The following SRCAP variants were observed in gnomAD, a reference collection of about 807,000 sequenced individuals.
SRCAP encodes the protein chromatin remodeling protein SRCAP.
Under a neutral mutation model 263.1 loss-of-function variants are expected in SRCAP, and 46 were observed. That is an observed-to-expected ratio of 0.17 (90% CI 0.14 to 0.22). The LOEUF is 0.22. Ranked by LOEUF, SRCAP falls within the 10% of genes least tolerant of loss-of-function variation. SRCAP has a pLI of 1.00. For synonymous variants in SRCAP, 1,813 were observed against 1,662.1 expected (o/e 1.09, Z -2.21); for missense variants, 3,695 against 4,181.9 (o/e 0.88, Z 3.21).
chr16:30,729,256 G>A (rs2053090966), intron 26 of SRCAP, 25 bp downstream of exon 26: 1 of 1,598,796 alleles, frequency 6.3e-7, no homozygotes, highest in Non-Finnish European at 8.5e-7. Context: ...GTGCTAATGG[G>A]GAGTGGGTCT....
chr16:30,724,676 C>T lies in SRCAP; in HGVS notation c.5252C>T (p.Ala1751Val), dbSNP rs769627957. 2 of 1,614,172 alleles carry T rather than the reference C, an allele frequency of 1.2e-6. No homozygotes were observed. The highest frequency in any genetic ancestry group is 1.7e-6 in the Non-Finnish European group (2 of 1,180,030). The part of the protein sequence containing the change: ...GPTQTLSLAP[A>V]PPLAPASPVG... ...ACTCAGACGCTGTCTCTGGCTCCAG[C>T]ACCCCCTCTGGCTCCAGCTTCTCCA... Residue 1751 changes from alanine (A) to valine (V), a missense_variant, in exon 25 of 34, where the codon GCA (alanine) becomes GTA (valine). Physicochemically the swap from Ala to Val is moderately conservative, Grantham distance 64. Coordinates refer to ENST00000262518, the MANE Select transcript of SRCAP (RefSeq NM_006662.3).
At chr16:30,735,536 G>T (rs1244249583) in intron 31 of SRCAP, among the ~76,000 whole-genome samples, 3 of 147,870 alleles carry the variant, frequency 2.0e-5, no homozygotes, top group Non-Finnish European at 4.5e-5. Flanking sequence ...TGTTTAAGTT[G>T]GTGCAAAAAT....
intron 4 of SRCAP, among the ~76,000 whole-genome samples, chr16:30,705,963 C>T (rs2052823385): frequency 6.6e-6 from 1 of 152,024 alleles, no homozygotes; most frequent in Admixed American, 6.6e-5. Flanking sequence ...CTTGGCCTCC[C>T]AAAGTGCTGG....
Position 30,728,821 on chromosome 16 carries a change from T to C in SRCAP, c.5659-145T>C, listed in dbSNP as rs2053426. ...AACTTCTGAGAAAGAATAGTTCTCATTGATAACTTGGAAAACTACAAAAAG... is the reference window on the plus strand; with the variant it reads ...AACTTCTGAGAAAGAATAGTTCTCACTGATAACTTGGAAAACTACAAAAAG... On this transcript the variant is annotated intron_variant, in intron 25 of 33. Coordinates refer to ENST00000262518, the MANE Select transcript of SRCAP (RefSeq NM_006662.3). The C allele has an allele frequency of 0.99, 943,826 of 951,816 alleles. 468,317 individuals are homozygous for C. The highest frequency in any genetic ancestry group is 1 in the Non-Finnish European group (665,309 of 665,406). 59.0% of individuals were successfully genotyped at this position (951,816 alleles called of 1,614,324 possible).
rs2053170273 is a variant in SRCAP, at chr16:30,737,308, C to A, written c.7268C>A (p.Thr2423Asn). 2 of 1,613,998 alleles carry A rather than the reference C, an allele frequency of 1.2e-6. No individual in the cohort carries two copies. The highest frequency in any genetic ancestry group is 1.7e-6 in the Non-Finnish European group (2 of 1,180,026). The change falls in exon 34 of 34, where the codon ACC becomes AAC. Residue 2423 changes from threonine to asparagine, a missense_variant. By Grantham distance (65) the Thr-to-Asn change is moderately conservative (BLOSUM62 0). Coordinates refer to ENST00000262518, the MANE Select transcript of SRCAP (RefSeq NM_006662.3). The stretch of plus-strand genomic sequence containing the variant: ...ATATCCGCCCATCAAACTCGCAGCA[C>A]CACCACACCACCCCGCTGCAGTCCT... ...PVISAHQTRS[T>N]TTPPRCSPAR...
At chr16:30,710,919 T>A (rs1263977153) in intron 9 of SRCAP, 72 bp downstream of exon 9, 14 of 1,599,284 alleles carry the variant, frequency 8.8e-6, no homozygotes, top group Non-Finnish European at 1.2e-5. Flanking sequence ...CCTTTCAGGC[T>A]TTCTCATCTG....
chr16:30,734,781 T>A (rs1194141445), intron 31 of SRCAP, among the ~76,000 whole-genome samples, 166 bp downstream of exon 31: 1 of 152,186 alleles, frequency 6.6e-6, no homozygotes. Flanking sequence ...GTTCACATGA[T>A]TAAGTAGGAA....
At position 30,722,147 on chromosome 16, in the gene SRCAP, G is replaced by A; in HGVS notation, c.3567G>A (p.Gln1189=). 2 of 1,614,178 alleles carry A rather than the reference G, an allele frequency of 1.2e-6. No homozygotes were observed. Among genetic ancestry groups the A allele is most frequent in the Non-Finnish European group, 1.7e-6 (2 of 1,180,018 alleles). The change falls in exon 22 of 34, where the codon CAG becomes CAA. Residue 1189 remains glutamine, a synonymous_variant. Coordinates refer to ENST00000262518, the MANE Select transcript of SRCAP (RefSeq NM_006662.3). ...CAGGCGAAGTGGTCAGCATCGGGCA[G>A]TTAGCCTCACTGGCACAACGTCCAG... ...LPSGEVVSIG[Q]LASLAQRPVA...
chr16:30,710,419 G>C, intron 8 of SRCAP: 1 of 661,830 alleles, frequency 1.5e-6, no homozygotes. Flanking sequence ...CTCTGAACAT[G>C]CCCTAATGTT....
rs2053035759 is a variant in SRCAP, at chr16:30,723,858, A to G, written c.4434A>G (p.Pro1478=). Residue 1478 remains proline, a synonymous_variant, in exon 25 of 34, where the codon CCA becomes CCG. Transcript: ENST00000262518. Reference sequence around the variant, plus strand: ...CAGCTCTGTTGACCAGTGTGACTCCACCATTGGCACCTGTTGTCCCAGCGG... The same window carrying G: ...CAGCTCTGTTGACCAGTGTGACTCCGCCATTGGCACCTGTTGTCCCAGCGG... ...SGPALLTSVT[P]PLAPVVPAAP... is the part of the protein sequence containing the mutation. 3 of 1,613,722 alleles carry G rather than the reference A, an allele frequency of 1.9e-6. No individual in the cohort carries two copies. Among genetic ancestry groups the G allele is most frequent in the Non-Finnish European group, 2.5e-6 (3 of 1,179,950 alleles).
chr16:30,739,009 C>T lies in SRCAP; in HGVS notation c.8969C>T (p.Ala2990Val). ...PLLVCPTATVANTVTTVTIST... is the reference protein window; with the variant it reads ...PLLVCPTATVVNTVTTVTIST... ...CTAGTTTGTCCCACTGCTACTGTTG[C>T]CAACACTGTCACCACTGTCACCATT... The change falls in exon 34 of 34, where the codon GCC (alanine) becomes GTC (valine). Residue 2990 changes from alanine (A) to valine (V), a missense_variant. Ala to Val is a moderately conservative substitution (Grantham distance 64). Transcript: ENST00000262518. The T allele has an allele frequency of 1.2e-6, 2 of 1,614,164 alleles. No homozygotes were observed. Among genetic ancestry groups the T allele is most frequent in the Non-Finnish European group, 1.7e-6 (2 of 1,180,000 alleles).
At chr16:30,717,445 T>C (rs1273129724) in intron 18 of SRCAP, among the ~76,000 whole-genome samples, 1 of 151,906 alleles carries the variant, frequency 6.6e-6, no homozygotes. Flanking sequence ...AAACACTTGT[T>C]TTTGGTGGTT....
In SRCAP at chr16:30,724,535, C is replaced by A. The variant is rs749617098; in HGVS notation, c.5111C>A (p.Thr1704Lys). The A allele has an allele frequency of 3.1e-6, 5 of 1,614,172 alleles. No homozygotes were observed. In the South Asian group the frequency reaches 5.5e-5, roughly 18 times the overall value. ...CCATCTCAGACACTCTCTTTGGGAACGGGGAACCCCCAGGGACCCTTTCCA... is the reference window on the plus strand; with the variant it reads ...CCATCTCAGACACTCTCTTTGGGAAAGGGGAACCCCCAGGGACCCTTTCCA... ...SSPSQTLSLG[T>K]GNPQGPFPTQ... The change falls in exon 25 of 34, where the codon ACG (threonine) becomes AAG (lysine). Residue 1704 changes from threonine to lysine, a missense_variant. Thr to Lys is a moderately conservative substitution (Grantham distance 78, BLOSUM62 -1). Transcript: ENST00000262518.
chr16:30,731,133 GAGA>G (rs2053110974), intron 27 of SRCAP, among the ~76,000 whole-genome samples: 2 of 152,174 alleles, frequency 1.3e-5, no homozygotes, highest in Non-Finnish European at 2.9e-5. Flanking sequence ...AAAACACTCT[GAGA>G]AGGTTTTCTG....
At chr16:30,725,163 C>T in intron 25 of SRCAP, 81 bp downstream of exon 25, 3 of 1,517,638 alleles carry the variant, frequency 2.0e-6, no homozygotes, top group African/African-American at 1.4e-5. Context: ...AGTGATGTCA[C>T]ATTTAACCTG....
Position 30,700,744 on chromosome 16 carries a change from G to T in SRCAP, c.-81G>T. On this transcript the variant is annotated 5_prime_UTR_variant, in exon 3 of 34. Transcript: ENST00000262518. ...CTCCCAGCATGCCCTGCAGCCGGAC[G>T]CCAGCCCCTCGGCCAGCAGTACTGG... 2.1e-6 allele frequency: 3 copies of T among 1,399,822 alleles called. No homozygotes were observed. The highest frequency in any genetic ancestry group is 3.0e-6 in the Non-Finnish European group (3 of 999,494). The allele number at this position is 1,399,822 out of a possible 1,614,324, so 86.7% of individuals were successfully genotyped here. A position where few individuals can be genotyped will look rare whatever the true frequency, so the allele number is the denominator to read the frequency against.
In SRCAP at chr16:30,723,707, C is replaced by T; in HGVS notation, c.4283C>T (p.Ser1428Phe). Residue 1428 changes from serine (S) to phenylalanine (F), a missense_variant, in exon 25 of 34, where the codon TCC becomes TTC. Around this residue, in one of 12 missense-constraint regions of SRCAP, gnomAD observed 1,347 missense variants for 1,304.4 expected, o/e 1.03. Coordinates refer to ENST00000262518, the MANE Select transcript of SRCAP (RefSeq NM_006662.3). Reference protein sequence around the residue: ...PNSSPLASPVSSTVSVPLSSS... With the variant: ...PNSSPLASPVFSTVSVPLSSS... The stretch of plus-strand genomic sequence containing the variant: ...TCCTCTCCCCTTGCTAGTCCTGTGT[C>T]CTCTACAGTCTCAGTTCCATTGTCA... 1 of 1,614,066 alleles carries T rather than the reference C, an allele frequency of 6.2e-7. No homozygotes were observed. Among genetic ancestry groups the T allele is most frequent in the Non-Finnish European group, 8.5e-7 (1 of 1,179,988 alleles).
At position 30,724,013 on chromosome 16, in the gene SRCAP, C is replaced by T; in HGVS notation, c.4589C>T (p.Thr1530Ile). Reference protein sequence around the residue: ...TPGHPLLLAPTSSHVPGLNST... With the variant: ...TPGHPLLLAPISSHVPGLNST... ...GGTCACCCTCTGTTGTTGGCTCCCA[C>T]CTCTTCACATGTTCCAGGGTTGAAC... Residue 1530 changes from threonine to isoleucine, a missense_variant, in exon 25 of 34, where the codon ACC (threonine) becomes ATC (isoleucine). Thr to Ile is a moderately conservative substitution (Grantham distance 89). Coordinates refer to ENST00000262518, the MANE Select transcript of SRCAP (RefSeq NM_006662.3). The T allele has an allele frequency of 6.2e-7, 1 of 1,614,096 alleles. No homozygotes were observed. Among genetic ancestry groups the T allele is most frequent in the Non-Finnish European group, 8.5e-7 (1 of 1,180,024 alleles).
intron 16 of SRCAP, 96 bp from the exon 17 acceptor site, chr16:30,715,970 T>TGTGCC (rs2052944923): frequency 3.3e-6 from 5 of 1,495,560 alleles, no homozygotes; most frequent in Non-Finnish European, 4.6e-6. Flanking sequence ...TCTGATATGG[T>TGTGCC]GTGCCGTATG....
Sources: allele counts gnomAD v4.1 joint callset (sites outside exome capture counted in the v4.1 genomes callset), GRCh38; gene constraint gnomAD v4.1.1; regional missense constraint gnomAD v4.1.1; transcripts MANE v1.5; gene names NCBI Gene and HGNC (gene_info 2026-07-23, HGNC 2026-07-21).